MACF1: variants seen among roughly 807,000 people sequenced by gnomAD.
The protein encoded by MACF1 is microtubule-actin cross-linking factor 1.
In MACF1, 193 loss-of-function variants were observed where a neutral mutation model predicts 854.8. That is an observed-to-expected ratio of 0.23 (90% CI 0.20 to 0.25). The LOEUF is 0.25. Among genes scored for constraint, MACF1 ranks in the 10% least tolerant of loss-of-function variants. The pLI is 1.00. For synonymous variants in MACF1, 3,185 were observed against 3,226.7 expected (o/e 0.99, Z 0.44); for missense variants, 7,722 against 8,929.1 (o/e 0.86, Z 5.45).
At position 39,372,502 on chromosome 1, in the gene MACF1, T is replaced by C. The variant is rs80197726; in HGVS notation, c.13119T>C (p.Ser4373=). ...HLKSLLDDWA[S]KGTLVEEINC... is the part of the protein sequence containing the mutation. ...AGAGTCTACTAGATGACTGGGCAAG[T>C]AAGGGAACTCTGGTGGAAGAAATCA... The change falls in exon 52 of 101, where the codon AGT becomes AGC. Residue 4373 remains serine, a synonymous_variant. Transcript: ENST00000564288. The C allele has an allele frequency of 0.044, 71,642 of 1,612,414 alleles. 1,861 individuals are homozygous for C. The highest frequency in any genetic ancestry group is 0.097 in the African/African-American group (7,297 of 74,898).
chr1:39,120,265 A>G (rs990836839), intron 2 of MACF1, among the ~76,000 whole-genome samples: 4 of 152,068 alleles, frequency 2.6e-5, no homozygotes, highest in Admixed American at 1.3e-4. Flanking sequence ...CTGTTTCTCA[A>G]ATTCACTTTC....
At chr1:39,418,282 T>C (rs1289539535) in intron 58 of MACF1, among the ~76,000 whole-genome samples, 2 of 152,170 alleles carry the variant, frequency 1.3e-5, no homozygotes, top group Non-Finnish European at 2.9e-5. Flanking sequence ...ACTGTTAGGC[T>C]TGGGATGCCT....
intron 2 of MACF1, among the ~76,000 whole-genome samples, chr1:39,122,236 T>G (rs1642733352): frequency 6.6e-6 from 1 of 151,990 alleles, no homozygotes; most frequent in African/African-American, 2.4e-5. Context: ...GTGCAGCCAC[T>G]TCTGTGTTTG....
chr1:39,292,139 G>A lies in MACF1; in HGVS notation c.1914+101G>A. On this transcript the variant is annotated intron_variant, in intron 16 of 100. Transcript: ENST00000564288. ...CTGTATTGAAGGAGGAGGGTGCTCTGGAAAAGAATAATGATGATGAAGAGC... is the reference window on the plus strand; with the variant it reads ...CTGTATTGAAGGAGGAGGGTGCTCTAGAAAAGAATAATGATGATGAAGAGC... 3 of 1,352,762 alleles carry A rather than the reference G, an allele frequency of 2.2e-6. No individual in the cohort carries two copies. In the South Asian group the frequency reaches 4.6e-5, roughly 21 times the overall value. 83.8% of individuals were successfully genotyped at this position (1,352,762 alleles called of 1,614,324 possible). A position where few individuals can be genotyped will look rare whatever the true frequency, so the allele number is the denominator to read the frequency against.
At position 39,204,998 on chromosome 1, in the gene MACF1, GGGA is replaced by G. The variant is rs1557517005; in HGVS notation, c.-20_-18del. 1.0e-5 allele frequency: 7 copies of G among 702,714 alleles called. No homozygotes were observed. Among genetic ancestry groups the G allele is most frequent in the African/African-American group, 7.0e-5 (4 of 57,268 alleles). 43.5% of individuals were successfully genotyped at this position (702,714 alleles called of 1,614,324 possible). On this transcript the variant is annotated 5_prime_UTR_variant, in exon 1 of 101. Transcript: ENST00000564288. ...TGCGCTGAGCTTGTGGCTAACTCAA[GGGA>G]GGAGAAAGGACGGGCCTGGAAATGC...
chr1:39,472,452 C>G (rs932301734), intron 97 of MACF1, among the ~76,000 whole-genome samples: 3 of 152,110 alleles, frequency 2.0e-5, no homozygotes, highest in African/African-American at 7.2e-5. Flanking sequence ...TTTCTATTAT[C>G]AAAGTAAAAG....
intron 57 of MACF1, 103 bp downstream of exon 57, chr1:39,386,032 T>C (rs764475079): frequency 2.3e-6 from 3 of 1,320,330 alleles, no homozygotes; most frequent in Non-Finnish European, 3.1e-6. Flanking sequence ...CTTACGTAAT[T>C]TGTAGACTCA....
intron 2 of MACF1, among the ~76,000 whole-genome samples, chr1:39,123,227 TGA>T: frequency 9.4e-6 from 1 of 105,862 alleles, no homozygotes; most frequent in Non-Finnish European, 2.0e-5. Flanking sequence ...TTTTTTTTTT[TGA>T]GAGAGTCTCG....
chr1:39,413,077 G>A, intron 58 of MACF1: 1 of 1,601,428 alleles, frequency 6.2e-7, no homozygotes, highest in East Asian at 2.3e-5. Context: ...AGCTGTTGCA[G>A]CAGCCATCAC....
At position 39,454,986 on chromosome 1, in the gene MACF1, G is replaced by C. The variant is rs1265349738; in HGVS notation, c.20964G>C (p.Leu6988=). 7.4e-6 allele frequency: 12 copies of C among 1,613,980 alleles called. No homozygotes were observed. The highest frequency in any genetic ancestry group is 1.0e-5 in the Non-Finnish European group (12 of 1,180,014). Residue 6988 remains leucine, a synonymous_variant, in exon 89 of 101, where the codon CTG becomes CTC. Transcript: ENST00000564288. Reference sequence around the variant, plus strand: ...AACTGGTGGCTAATGCTGAGCTCCTGGAAGAACTTCTGGCATGGATCCAGT... The same window carrying C: ...AACTGGTGGCTAATGCTGAGCTCCTCGAAGAACTTCTGGCATGGATCCAGT... ...LSELVANAEL[L]EELLAWIQWA... is the part of the protein sequence containing the mutation.
chr1:39,469,733 A>C (rs1644740905), intron 97 of MACF1, 118 bp downstream of exon 97: 1 of 788,322 alleles, frequency 1.3e-6, no homozygotes, highest in Non-Finnish European at 2.2e-6. Context: ...AATGCTTGAA[A>C]TGGCCAAACC....
At chr1:39,430,571 A>G (rs1443112166) in intron 65 of MACF1, 131 bp from the exon 66 acceptor site, 2 of 706,418 alleles carry the variant, frequency 2.8e-6, no homozygotes, top group African/African-American at 1.8e-5. Context: ...TGAGATGAGA[A>G]AAAAATAACT....
chr1:39,288,356 GGTGT>G (rs1645690842), intron 15 of MACF1, among the ~76,000 whole-genome samples: 1 of 152,108 alleles, frequency 6.6e-6, no homozygotes, highest in African/African-American at 2.4e-5. Context: ...AAACTAGCCA[GGTGT>G]GGTGGTGGGC....
At chr1:39,351,111 G>A (rs946011738) in intron 43 of MACF1, 93 bp downstream of exon 43, 13 of 877,322 alleles carry the variant, frequency 1.5e-5, no homozygotes, top group Non-Finnish European at 2.3e-5. Flanking sequence ...CAGGCTTATA[G>A]CATGCACAGA....
chr1:39,412,819 C>G, intron 58 of MACF1: 1 of 1,612,520 alleles, frequency 6.2e-7, no homozygotes, highest in Non-Finnish European at 8.5e-7. Flanking sequence ...TGCTGCACTG[C>G]CCAGCCCAGA....
At chr1:39,477,125 TATATATATATACACACACACACAC>T (rs1644918541) in intron 97 of MACF1, among the ~76,000 whole-genome samples, 1 of 29,906 alleles carries the variant, frequency 3.3e-5, no homozygotes, top group African/African-American at 1.4e-4. Flanking sequence ...AGTGTATATA[TATATATATATACACACACACACAC>T]ACACAGATGT....
At chr1:39,455,609 G>T (rs1473044132) in intron 89 of MACF1, among the ~76,000 whole-genome samples, 1 of 152,124 alleles carries the variant, frequency 6.6e-6, no homozygotes, top group African/African-American at 2.4e-5. Context: ...CAAGGGAGGG[G>T]GATTACATAG....
chr1:39,449,575 T>C (rs577173278), intron 84 of MACF1, among the ~76,000 whole-genome samples: 3 of 151,966 alleles, frequency 2.0e-5, no homozygotes, highest in Admixed American at 6.5e-5. Context: ...GTTTTTTGTA[T>C]TTTTAGTAGA....
At chr1:39,451,260 A>G (rs1644336331) in intron 85 of MACF1, 49 bp downstream of exon 85, 1 of 1,569,008 alleles carries the variant, frequency 6.4e-7, no homozygotes, top group Non-Finnish European at 8.7e-7. Flanking sequence ...TCTTCTGTAT[A>G]TGACTGCCTA....
Sources: allele counts gnomAD v4.1 joint callset (sites outside exome capture counted in the v4.1 genomes callset), GRCh38; gene constraint gnomAD v4.1.1; transcripts MANE v1.5; gene names NCBI Gene and HGNC (gene_info 2026-07-23, HGNC 2026-07-21).